FOXO1: variants seen among roughly 807,000 people sequenced by gnomAD.
FOXO1 encodes forkhead box O1, also known as forkhead box protein O1.
Under a neutral mutation model 44.1 loss-of-function variants are expected in FOXO1, and 6 were observed. That is an observed-to-expected ratio of 0.14 (90% CI 0.07 to 0.27). The LOEUF (loss-of-function observed/expected upper bound fraction) is 0.27. Among genes scored for constraint, FOXO1 ranks in the 10% least tolerant of loss-of-function variants. FOXO1 has a pLI of 1.00. For synonymous variants in FOXO1, 380 were observed against 362.7 expected (o/e 1.05, Z -0.54); for missense variants, 737 against 888.8 (o/e 0.83, Z 2.17).
At chr13:40,609,709 G>A (rs1048960168) in intron 1 of FOXO1, among the ~76,000 whole-genome samples, 3 of 152,016 alleles carry the variant, frequency 2.0e-5, no homozygotes, top group East Asian at 1.9e-4. Context: ...TCTTCAGGGT[G>A]GGGGGGAAAA....
At chr13:40,595,343 T>C (rs1875536142) in intron 1 of FOXO1, among the ~76,000 whole-genome samples, 1 of 152,206 alleles carries the variant, frequency 6.6e-6, no homozygotes, top group Admixed American at 6.5e-5. Context: ...GTGCTTCTCA[T>C]ACTTGAACAT....
intron 1 of FOXO1, among the ~76,000 whole-genome samples, chr13:40,622,329 C>A (rs1021553047): frequency 6.6e-6 from 1 of 152,156 alleles, no homozygotes; most frequent in Admixed American, 6.5e-5. Flanking sequence ...TAAGAGAATG[C>A]AGTTTATATA....
At chr13:40,645,679 C>T (rs536030773) in intron 1 of FOXO1, among the ~76,000 whole-genome samples, 3 of 151,790 alleles carry the variant, frequency 2.0e-5, no homozygotes, top group East Asian at 1.9e-4. Context: ...ATGAGGGGGC[C>T]GAAAATGAGA....
At chr13:40,570,187 G>A (rs553478334) in intron 1 of FOXO1, among the ~76,000 whole-genome samples, 3 of 151,916 alleles carry the variant, frequency 2.0e-5, no homozygotes, top group Non-Finnish European at 2.9e-5. Flanking sequence ...GCACGTGCCT[G>A]TAATCCCAGC....
chr13:40,628,716 G>A (rs1876867872), intron 1 of FOXO1, among the ~76,000 whole-genome samples: 1 of 152,158 alleles, frequency 6.6e-6, no homozygotes, highest in Non-Finnish European at 1.5e-5. Context: ...CTGGTGGGAG[G>A]TAACAATGGT....
chr13:40,623,189 A>C (rs1340521074), intron 1 of FOXO1, among the ~76,000 whole-genome samples: 1 of 152,114 alleles, frequency 6.6e-6, no homozygotes, highest in Non-Finnish European at 1.5e-5. Flanking sequence ...AAAATAACAC[A>C]GCCATTATAT....
At chr13:40,618,251 A>T (rs766127139) in intron 1 of FOXO1, among the ~76,000 whole-genome samples, 24 of 152,110 alleles carry the variant, frequency 1.6e-4, no homozygotes, top group Non-Finnish European at 3.1e-4. Context: ...TAATTTTTGT[A>T]GAGAAGGGGT....
intron 1 of FOXO1, among the ~76,000 whole-genome samples, chr13:40,601,981 T>C (rs1322230553): frequency 6.6e-6 from 1 of 152,194 alleles, no homozygotes; most frequent in Non-Finnish European, 1.5e-5. Flanking sequence ...TACATATGCA[T>C]AGCTTTCAGA....
chr13:40,590,604 T>C lies in FOXO1; in HGVS notation c.631-29744A>G, dbSNP rs551781175. ...ACTCACTCAAAAGTTTAGTTTTCCA[T>C]CTCCACAGCATGGGTTATCCCAGCA... On this transcript the variant is annotated intron_variant, in intron 1 of 2. Transcript: ENST00000379561. 8.6e-4 allele frequency among the ~76,000 whole-genome samples: 131 copies of C among 152,310 alleles called. 1 individual carries two copies. The highest frequency in any genetic ancestry group is 3.0e-3 in the African/African-American group (124 of 41,574).
intron 1 of FOXO1, among the ~76,000 whole-genome samples, chr13:40,647,223 A>C (rs1877539399): frequency 6.6e-6 from 1 of 152,074 alleles, no homozygotes; most frequent in African/African-American, 2.4e-5. Context: ...TCCTCCTTTA[A>C]CTTGTGTGGC....
chr13:40,655,470 G>C (rs984320539), intron 1 of FOXO1, among the ~76,000 whole-genome samples: 3 of 151,812 alleles, frequency 2.0e-5, no homozygotes, highest in Admixed American at 6.6e-5. Context: ...GCGTCTGAAA[G>C]CTATTTTCTC....
At chr13:40,569,497 G>GT (rs1249873766) in intron 1 of FOXO1, among the ~76,000 whole-genome samples, 1 of 152,206 alleles carries the variant, frequency 6.6e-6, no homozygotes, top group Non-Finnish European at 1.5e-5. Context: ...ATGAATGGTT[G>GT]TAACTTGATT....
chr13:40,666,003 G>T lies in FOXO1; in HGVS notation c.210C>A (p.Phe70Leu). 7.9e-7 allele frequency: 1 copy of T among 1,265,292 alleles called. No individual in the cohort carries two copies. The highest frequency in any genetic ancestry group is 9.9e-7 in the Non-Finnish European group (1 of 1,006,942). 78.4% of individuals were successfully genotyped at this position (1,265,292 alleles called of 1,614,324 possible). A position where few individuals can be genotyped will look rare whatever the true frequency, so the allele number is the denominator to read the frequency against. Residue 70 changes from phenylalanine (F) to leucine (L), a missense_variant, in exon 1 of 3, where the codon TTC becomes TTA. Physicochemically the swap from Phe to Leu is conservative, Grantham distance 22 (BLOSUM62 0). This residue lies in a region of FOXO1 where 213 missense variants were observed against 236.4 expected (regional missense o/e 0.90). Transcript: ENST00000379561. ...SASAAAVSAD[F>L]MSNLSLLEES... Reference sequence around the variant, plus strand: ...CCTCCAGCAAGCTCAGGTTGCTCATGAAGTCGGCGCTGACAGCGGCAGCCG... The same window carrying T: ...CCTCCAGCAAGCTCAGGTTGCTCATTAAGTCGGCGCTGACAGCGGCAGCCG...
intron 1 of FOXO1, among the ~76,000 whole-genome samples, chr13:40,636,041 C>A (rs1877137757): frequency 1.3e-5 from 2 of 152,270 alleles, no homozygotes; most frequent in Admixed American, 6.5e-5. Flanking sequence ...GAAACCCTGT[C>A]TGTACTAAAA....
chr13:40,639,554 G>A (rs1305260950), intron 1 of FOXO1, among the ~76,000 whole-genome samples: 1 of 152,216 alleles, frequency 6.6e-6, no homozygotes, highest in African/African-American at 2.4e-5. Flanking sequence ...GTCTAGAGCA[G>A]GGAGGGTTTC....
At chr13:40,606,471 C>A (rs1280801110) in intron 1 of FOXO1, among the ~76,000 whole-genome samples, 6 of 152,024 alleles carry the variant, frequency 3.9e-5, no homozygotes. Context: ...CACCACCACA[C>A]CTGGCTAATT....
At position 40,586,193 on chromosome 13, in the gene FOXO1, T is replaced by C. The variant is rs1195497522; in HGVS notation, c.631-25333A>G. Reference sequence around the variant, plus strand: ...TCTGTAAATAATAACAAAACAGTCTTACATAAATGGCTAAGCACAGTACTA... The same window carrying C: ...TCTGTAAATAATAACAAAACAGTCTCACATAAATGGCTAAGCACAGTACTA... On this transcript the variant is annotated intron_variant, in intron 1 of 2. Transcript: ENST00000379561. Among the ~76,000 whole-genome samples, 6 of 152,346 alleles carry C rather than the reference T, an allele frequency of 3.9e-5. 1 individual carries two copies. The highest frequency in any genetic ancestry group is 1.4e-4 in the African/African-American group (6 of 41,576).
At chr13:40,621,499 T>C (rs1297043733) in intron 1 of FOXO1, among the ~76,000 whole-genome samples, 1 of 152,240 alleles carries the variant, frequency 6.6e-6, no homozygotes, top group Admixed American at 6.5e-5. Context: ...TTAAAACTTG[T>C]TATAAAGAGG....
chr13:40,583,908 A>C (rs1875048573), intron 1 of FOXO1, among the ~76,000 whole-genome samples: 1 of 152,220 alleles, frequency 6.6e-6, no homozygotes, highest in African/African-American at 2.4e-5. Flanking sequence ...TCTGGGCTTT[A>C]TACATGCCTT....
Sources: gnomAD v4.1 joint callset for allele counts (sites outside exome capture counted in the v4.1 genomes callset) on GRCh38, gnomAD v4.1.1 for gene constraint, gnomAD v4.1.1 regional missense constraint, MANE v1.5 for transcripts, NCBI Gene and HGNC (gene_info 2026-07-23, HGNC 2026-07-21) for gene names.